The following ABTB3 variants were observed in gnomAD, a reference collection of about 807,000 sequenced individuals.
The protein encoded by ABTB3 is ankyrin repeat and BTB domain containing 3.
At chr12:107,644,858 A>G in the ABTB3 span, among the ~76,000 whole-genome samples, 5 of 152,232 alleles carry the variant, frequency 3.3e-5, no homozygotes, top group Non-Finnish European at 7.4e-5. Context: ...GATTACAGGC[A>G]TGAGATGCAT....
the ABTB3 span, among the ~76,000 whole-genome samples, chr12:107,578,705 T>C: frequency 6.6e-6 from 1 of 152,270 alleles, no homozygotes; most frequent in South Asian, 2.1e-4. Context: ...TCCAATTCAA[T>C]TTCAAGTCAG....
the ABTB3 span, among the ~76,000 whole-genome samples, chr12:107,614,004 T>C: frequency 6.6e-6 from 1 of 152,136 alleles, no homozygotes; most frequent in African/African-American, 2.4e-5. Context: ...TTAAGCACCA[T>C]GCAGACCCAC....
the ABTB3 span, among the ~76,000 whole-genome samples, chr12:107,545,912 C>T: frequency 6.6e-6 from 1 of 152,174 alleles, no homozygotes; most frequent in Non-Finnish European, 1.5e-5. Flanking sequence ...TCATCTCCTG[C>T]TCCCACCTCC....
At chr12:107,596,508 G>A in the ABTB3 span, among the ~76,000 whole-genome samples, 6 of 152,072 alleles carry the variant, frequency 3.9e-5, no homozygotes, top group African/African-American at 1.4e-4. Context: ...AGCTGTAATC[G>A]GGAGGCTGAG....
the ABTB3 span, among the ~76,000 whole-genome samples, chr12:107,610,740 A>T: frequency 6.6e-6 from 1 of 152,224 alleles, no homozygotes; most frequent in South Asian, 2.1e-4. Context: ...GGACAAGCCC[A>T]GACAGACTTC....
At chr12:107,427,674 G>A in the ABTB3 span, among the ~76,000 whole-genome samples, 134 of 152,206 alleles carry the variant, frequency 8.8e-4, no homozygotes, top group African/African-American at 2.9e-3. Context: ...AAGGTGACAC[G>A]AGTTCCGGAG....
chr12:107,376,642 C>G, the ABTB3 span, among the ~76,000 whole-genome samples: 3 of 152,118 alleles, frequency 2.0e-5, no homozygotes, highest in African/African-American at 7.2e-5. Context: ...CTGCCCTTAA[C>G]TCCCGGGGTG....
At chr12:107,518,075 C>G in the ABTB3 span, among the ~76,000 whole-genome samples, 10 of 152,208 alleles carry the variant, frequency 6.6e-5, no homozygotes, top group Admixed American at 2.6e-4. Context: ...CATCTCATAC[C>G]AGTTAGAATG....
At chr12:107,407,463 G>A in the ABTB3 span, among the ~76,000 whole-genome samples, 2 of 152,192 alleles carry the variant, frequency 1.3e-5, no homozygotes, top group Admixed American at 6.5e-5. Flanking sequence ...TGAGGTTTGG[G>A]CTCAGATCTG....
chr12:107,433,392 T>C, the ABTB3 span, among the ~76,000 whole-genome samples: 1 of 150,562 alleles, frequency 6.6e-6, no homozygotes. Context: ...AGATGAGTTA[T>C]AATTTGGAAT....
chr12:107,543,294 A>ATGCCAC, the ABTB3 span, among the ~76,000 whole-genome samples: 1 of 145,854 alleles, frequency 6.9e-6, no homozygotes, highest in South Asian at 2.2e-4. Context: ...AGTGGAGATC[A>ATGCCAC]TGCCACTGCA....
At chr12:107,643,277 A>G in the ABTB3 span, among the ~76,000 whole-genome samples, 1 of 151,708 alleles carries the variant, frequency 6.6e-6, no homozygotes, top group Non-Finnish European at 1.5e-5. Context: ...GGTCACACAC[A>G]CCTGTACTCC....
At chr12:107,612,845 T>C in the ABTB3 span, 1 of 1,613,852 alleles carries the variant, frequency 6.2e-7, no homozygotes, top group Non-Finnish European at 8.5e-7. Flanking sequence ...TGCTGCTGGA[T>C]GCCGGAGCTG....
the ABTB3 span, among the ~76,000 whole-genome samples, chr12:107,467,759 C>T: frequency 7.2e-5 from 11 of 152,278 alleles, no homozygotes; most frequent in South Asian, 1.2e-3. Context: ...GAGACAGGGA[C>T]TTTAGGGAAA....
the ABTB3 span, among the ~76,000 whole-genome samples, chr12:107,380,013 CA>C: frequency 6.6e-6 from 1 of 152,200 alleles, no homozygotes; most frequent in Admixed American, 6.5e-5. Context: ...TCCAGCGGAA[CA>C]GATTCTCAGG....
chr12:107,612,037 A>G, the ABTB3 span, among the ~76,000 whole-genome samples: 17 of 152,160 alleles, frequency 1.1e-4, no homozygotes, highest in Non-Finnish European at 2.2e-4. Context: ...GATATCTTTT[A>G]TGGTTTTAAT....
chr12:107,648,380 C>CCACACACACACACACACACACACA, the ABTB3 span, among the ~76,000 whole-genome samples: 936 of 140,128 alleles, frequency 6.7e-3, 6 homozygotes, highest in African/African-American at 0.011. Flanking sequence ...GACCCCATCT[C>CCACACACACACACACACACACACA]CACACACACA....
the ABTB3 span, among the ~76,000 whole-genome samples, chr12:107,463,684 C>G: frequency 6.6e-6 from 1 of 152,284 alleles, no homozygotes; most frequent in Admixed American, 6.5e-5. Context: ...TCAGCAATAG[C>G]AAACACTGTG....
the ABTB3 span, chr12:107,635,449 C>T: frequency 1.3e-6 from 2 of 1,502,950 alleles, no homozygotes; most frequent in South Asian, 2.3e-5. Context: ...GACGAGGAGC[C>T]AAAGAATGCC....
Sources: gnomAD v4.1 joint callset for allele counts (sites outside exome capture counted in the v4.1 genomes callset) on GRCh38, gnomAD v4.1.1 for gene constraint, MANE v1.5 for transcripts, NCBI Gene and HGNC (gene_info 2026-07-23, HGNC 2026-07-21) for gene names.